CDH23: variants seen among roughly 807,000 people sequenced by gnomAD.
The protein encoded by CDH23 is cadherin related 23, also known as cadherin-23.
CDH23 carries 189 observed loss-of-function variants against 317.1 expected under a neutral mutation model. That is an observed-to-expected ratio of 0.60 (90% CI 0.53 to 0.67). The LOEUF (loss-of-function observed/expected upper bound fraction) is 0.67, where lower values mean the gene tolerates loss of function less well. CDH23 is among the 30% of genes least tolerant of loss of function. The pLI is 0.00. For missense variants in CDH23, 4,401 were observed against 4,592.4 expected (o/e 0.96, Z 1.20); for synonymous variants, 1,839 against 1,876.8 (o/e 0.98, Z 0.52).
intron 24 of CDH23, among the ~76,000 whole-genome samples, chr10:71,704,503 G>A (rs746365429): frequency 4.1e-4 from 63 of 152,222 alleles, no homozygotes; most frequent in Non-Finnish European, 8.2e-4. Flanking sequence ...CGGGGCAGGG[G>A]AAGTCTGTGA....
At chr10:71,627,122 C>T (rs1179039885) in intron 11 of CDH23, among the ~76,000 whole-genome samples, 2 of 152,202 alleles carry the variant, frequency 1.3e-5, no homozygotes, top group Non-Finnish European at 2.9e-5. Flanking sequence ...CGGTGAGCAC[C>T]TCTCCGCATC....
At chr10:71,532,355 G>A (rs1005434320) in intron 6 of CDH23, among the ~76,000 whole-genome samples, 8 of 152,228 alleles carry the variant, frequency 5.3e-5, no homozygotes, top group East Asian at 3.8e-4. Context: ...GCCTGCAACC[G>A]AGCAGCTGGG....
At chr10:71,625,996 A>G (rs1272873829) in intron 11 of CDH23, among the ~76,000 whole-genome samples, 1 of 152,242 alleles carries the variant, frequency 6.6e-6, no homozygotes, top group Non-Finnish European at 1.5e-5. Context: ...TACAGGTGTC[A>G]CAGAAATCTC....
intron 31 of CDH23, among the ~76,000 whole-genome samples, chr10:71,731,130 G>A (rs1401708913): frequency 2.6e-5 from 4 of 152,148 alleles, no homozygotes; most frequent in East Asian, 3.9e-4. Flanking sequence ...GCCACAGCCC[G>A]CAGTGCAAAA....
Position 71,397,947 on chromosome 10 carries a change from C to T in CDH23, c.-6+629C>T, listed in dbSNP as rs1300186507. On this transcript the variant is annotated intron_variant, in intron 1 of 69. Coordinates refer to ENST00000224721, the MANE Select transcript of CDH23 (RefSeq NM_022124.6). This position sits in a 1 kb window ranked among gnomAD's most constrained non-coding sequence, Gnocchi z 4.8. ...GGAGCCGGGAGCCTTTTGCGGCTCT[C>T]GCTTCGCCTTCCTGGCCCTGGAACT... Among the ~76,000 whole-genome samples the T allele has an allele frequency of 2.6e-5, 4 of 152,242 alleles. No individual in the cohort carries two copies. Among genetic ancestry groups the T allele is most frequent in the Admixed American group, 2.0e-4 (3 of 15,284 alleles).
intron 2 of CDH23, 73 bp from the exon 3 acceptor site, chr10:71,446,245 C>G (rs1850159726): frequency 3.5e-6 from 5 of 1,424,054 alleles, no homozygotes; most frequent in Non-Finnish European, 2.0e-6. Context: ...CAGCCCTCAC[C>G]CTGTGTCACC....
At position 71,811,744 on chromosome 10, in the gene CDH23, G is replaced by A. The variant is rs1225411933; in HGVS notation, c.9310G>A (p.Gly3104Ser). The A allele has an allele frequency of 6.3e-7, 1 of 1,580,952 alleles. No homozygotes were observed. The highest frequency in any genetic ancestry group is 1.1e-5 in the South Asian group (1 of 87,818). ...HKRKLKAIVA[G>S]SAGNRGFIDI... ...GAGGAAGCTCAAGGCCATTGTGGCT[G>A]GCTCAGCTGGTAAGTGAGGGCCATA... Residue 3104 changes from glycine (G) to serine (S), a missense_variant, in exon 65 of 70, where the codon GGC becomes AGC. Gly to Ser is a moderately conservative substitution (Grantham distance 56). This residue lies in a region of CDH23 where 1,144 missense variants were observed against 1,138.2 expected (regional missense o/e 1.01). Transcript: ENST00000224721.
rs138951059 is a variant in CDH23, at chr10:71,663,607, T to A, written c.1450-11505T>A. Among the ~76,000 whole-genome samples, 815 of 152,368 alleles carry A rather than the reference T, an allele frequency of 5.3e-3. 2 individuals are homozygous for A. Among genetic ancestry groups the A allele is most frequent in the Non-Finnish European group, 9.3e-3 (631 of 68,036 alleles). ...GGAACTGTGACTTCAGGCATGTTGC[T>A]TAACCTCTCTGAGCCTCGCTTTCCT... On this transcript the variant is annotated intron_variant, in intron 14 of 69. Transcript: ENST00000224721.
intron 1 of CDH23, among the ~76,000 whole-genome samples, chr10:71,399,748 G>A (rs1305118784): frequency 2.0e-5 from 3 of 152,028 alleles, no homozygotes; most frequent in Non-Finnish European, 4.4e-5. Flanking sequence ...TGTACTCCAG[G>A]CTGGGCAATA....
intron 66 of CDH23, 21 bp downstream of exon 66, chr10:71,812,036 GC>G: frequency 1.2e-6 from 2 of 1,613,946 alleles, no homozygotes; most frequent in African/African-American, 1.3e-5. Flanking sequence ...TACTGGCCCT[GC>G]CCGGTCCCCT....
At chr10:71,766,127 C>T (rs74901292) in intron 38 of CDH23, among the ~76,000 whole-genome samples, 2,242 of 152,328 alleles carry the variant, frequency 0.015, 63 homozygotes, top group African/African-American at 0.051. Context: ...CTGTGCAGCC[C>T]GGCTAAAATT....
At chr10:71,766,910 G>A (rs1476395920) in intron 38 of CDH23, among the ~76,000 whole-genome samples, 1 of 152,218 alleles carries the variant, frequency 6.6e-6, no homozygotes, top group Non-Finnish European at 1.5e-5. Flanking sequence ...AACTGACCGT[G>A]CATTGACCTC....
At chr10:71,737,007 GGT>G (rs1389572663) in intron 34 of CDH23, among the ~76,000 whole-genome samples, 1 of 152,146 alleles carries the variant, frequency 6.6e-6, no homozygotes, top group Non-Finnish European at 1.5e-5. Flanking sequence ...AAAGCCCTGT[GGT>G]GTGAGGAAAC....
chr10:71,471,052 T>A (rs1043994676), intron 3 of CDH23, among the ~76,000 whole-genome samples: 1 of 152,202 alleles, frequency 6.6e-6, no homozygotes, highest in Non-Finnish European at 1.5e-5. Flanking sequence ...TTAGCAGATA[T>A]ATGATTTGCA....
At position 71,753,695 on chromosome 10, in the gene CDH23, T is replaced by C. The variant is rs895930792; in HGVS notation, c.4845+11774T>C. ...GATGCAGTGACCCCAACTTCCCTCTTTCATGCAGCACCCCATGTCCTCCCA... is the reference window on the plus strand; with the variant it reads ...GATGCAGTGACCCCAACTTCCCTCTCTCATGCAGCACCCCATGTCCTCCCA... On this transcript the variant is annotated intron_variant, in intron 38 of 69. Coordinates refer to ENST00000224721, the MANE Select transcript of CDH23 (RefSeq NM_022124.6). The C allele has an allele frequency of 3.1e-5, 14 of 451,246 alleles. No individual in the cohort carries two copies. The East Asian group carries it at 9.8e-4, about 32-fold the overall frequency. The allele number at this position is 451,246 out of a possible 1,614,324, so 28.0% of individuals were successfully genotyped here. A position where few individuals can be genotyped will look rare whatever the true frequency, so the allele number is the denominator to read the frequency against.
At position 71,751,906 on chromosome 10, in the gene CDH23, G is replaced by A. The variant is rs369048655; in HGVS notation, c.4845+9985G>A. 2.2e-4 allele frequency: 341 copies of A among 1,527,474 alleles called. No individual in the cohort carries two copies. Among genetic ancestry groups the A allele is most frequent in the Non-Finnish European group, 2.8e-4 (318 of 1,129,780 alleles). The allele number at this position is 1,527,474 out of a possible 1,614,324, so 94.6% of individuals were successfully genotyped here. A position where few individuals can be genotyped will look rare whatever the true frequency, so the allele number is the denominator to read the frequency against. On this transcript the variant is annotated intron_variant, in intron 38 of 69. Coordinates refer to ENST00000224721, the MANE Select transcript of CDH23 (RefSeq NM_022124.6). This position sits in a 1 kb window ranked among gnomAD's most constrained non-coding sequence, Gnocchi z 4.9. Reference sequence around the variant, plus strand: ...GAAGGTCATCTGTGCTGTCCGGAGCGTGAACTCTGCCCTCCCTGCCCCCAG... The same window carrying A: ...GAAGGTCATCTGTGCTGTCCGGAGCATGAACTCTGCCCTCCCTGCCCCCAG...
intron 3 of CDH23, among the ~76,000 whole-genome samples, chr10:71,476,018 C>T (rs953768897): frequency 6.6e-5 from 10 of 152,294 alleles, no homozygotes; most frequent in Non-Finnish European, 1.0e-4. Flanking sequence ...GTCCTCTGGT[C>T]GTTCATGTGG....
At chr10:71,465,893 G>A (rs1851229106) in intron 3 of CDH23, among the ~76,000 whole-genome samples, 1 of 152,164 alleles carries the variant, frequency 6.6e-6, no homozygotes, top group Admixed American at 6.5e-5. Context: ...ACACCAGAGA[G>A]GAAAAATATC....
At chr10:71,603,950 C>T (rs112550085) in intron 9 of CDH23, among the ~76,000 whole-genome samples, 6 of 152,270 alleles carry the variant, frequency 3.9e-5, no homozygotes, top group South Asian at 4.1e-4. Flanking sequence ...GGCAGAAGCA[C>T]GCATCTTCCC....
Sources: gnomAD v4.1 joint callset for allele counts (sites outside exome capture counted in the v4.1 genomes callset) on GRCh38, gnomAD v4.1.1 for gene constraint, gnomAD v4.1.1 regional missense constraint, Gnocchi (gnomAD v3.1) non-coding constraint, MANE v1.5 for transcripts, NCBI Gene and HGNC (gene_info 2026-07-23, HGNC 2026-07-21) for gene names.